SNX9: variants seen among roughly 807,000 people sequenced by gnomAD.
The protein encoded by SNX9 is sorting nexin 9.
Under a neutral mutation model 89.4 loss-of-function variants are expected in SNX9, and 44 were observed. That is an observed-to-expected ratio of 0.49 (90% CI 0.39 to 0.63). The LOEUF (loss-of-function observed/expected upper bound fraction) is 0.63. Among genes scored for constraint, SNX9 ranks in the 30% least tolerant of loss-of-function variants. The probability of loss-of-function intolerance (pLI) is 0.00; values close to 1 mark genes in which losing one functional copy is unlikely to be tolerated. For missense variants in SNX9, 578 were observed against 736.1 expected, an observed-to-expected ratio of 0.79 and a Z score of 2.49; for synonymous variants, 236 against 247.8, an observed-to-expected ratio of 0.95 and a Z score of 0.45.
At chr6:157,892,265 G>C (rs902450814) in intron 4 of SNX9, among the ~76,000 whole-genome samples, 2 of 152,136 alleles carry the variant, frequency 1.3e-5, no homozygotes, top group Non-Finnish European at 2.9e-5. Context: ...AGAGATCGAC[G>C]TATGGGAAGG....
At chr6:157,854,428 G>A (rs1443394980) in intron 1 of SNX9, among the ~76,000 whole-genome samples, 2 of 152,134 alleles carry the variant, frequency 1.3e-5, no homozygotes, top group Non-Finnish European at 2.9e-5. Flanking sequence ...ATAAATAAAA[G>A]TCCTAAATAA....
intron 4 of SNX9, among the ~76,000 whole-genome samples, chr6:157,892,137 A>T (rs970289754): frequency 6.6e-6 from 1 of 152,170 alleles, no homozygotes; most frequent in African/African-American, 2.4e-5. Flanking sequence ...GAAGGAAAGG[A>T]CAGAGAGGCG....
intron 1 of SNX9, among the ~76,000 whole-genome samples, chr6:157,828,821 C>A (rs914296391): frequency 6.6e-6 from 1 of 152,136 alleles, no homozygotes; most frequent in African/African-American, 2.4e-5. Flanking sequence ...CCGGGAAAGC[C>A]TTTCCTGATG....
At position 157,867,574 on chromosome 6, in the gene SNX9, G is replaced by A. The variant is rs1241705090; in HGVS notation, c.40G>A (p.Glu14Lys). Residue 14 changes from glutamate to lysine, a missense_variant, in exon 2 of 18, where the codon GAA becomes AAA. By Grantham distance (56) the Glu-to-Lys change is moderately conservative. Coordinates refer to ENST00000392185, the MANE Select transcript of SNX9 (RefSeq NM_016224.5). Reference protein sequence around the residue: ...KARVMYDFAAEPGNNELTVNE... With the variant: ...KARVMYDFAAKPGNNELTVNE... ...TCGGGTTATGTATGATTTTGCTGCT[G>A]AACCTGGAAATAATGAACTGACGGT... 1.2e-6 allele frequency: 2 copies of A among 1,612,580 alleles called. No homozygotes were observed. Among genetic ancestry groups the A allele is most frequent in the African/African-American group, 2.7e-5 (2 of 74,872 alleles).
intron 1 of SNX9, among the ~76,000 whole-genome samples, chr6:157,864,981 C>T (rs956134089): frequency 4.7e-5 from 7 of 150,120 alleles, no homozygotes; most frequent in Admixed American, 2.0e-4. Flanking sequence ...TGAGCTGAGA[C>T]TTGCCACTGC....
chr6:157,933,508 G>A (rs767437778), intron 13 of SNX9, among the ~76,000 whole-genome samples: 1 of 152,192 alleles, frequency 6.6e-6, no homozygotes, highest in Non-Finnish European at 1.5e-5. Context: ...CATGGCAATA[G>A]TTCTCATTGC....
chr6:157,926,989 T>G (rs1318688512), intron 10 of SNX9, 122 bp from the exon 11 acceptor site: 1 of 674,662 alleles, frequency 1.5e-6, no homozygotes, highest in Non-Finnish European at 2.6e-6. Context: ...GGAGATAGAG[T>G]GGGAGCTGCT....
chr6:157,882,014 A>G (rs1025991960), intron 4 of SNX9, among the ~76,000 whole-genome samples: 4 of 152,222 alleles, frequency 2.6e-5, no homozygotes, highest in East Asian at 1.9e-4. Context: ...TTGGAAGAAG[A>G]TGCCATCTAG....
intron 9 of SNX9, among the ~76,000 whole-genome samples, chr6:157,913,392 G>A (rs1000754027): frequency 5.9e-5 from 9 of 152,082 alleles, no homozygotes; most frequent in Non-Finnish European, 1.3e-4. Flanking sequence ...GCTCACTGCA[G>A]CCTTGACCTC....
At chr6:157,830,234 T>C (rs967411833) in intron 1 of SNX9, 1 of 152,248 alleles carries the variant, frequency 6.6e-6, no homozygotes, top group Non-Finnish European at 1.5e-5. Flanking sequence ...CCATCTAAAA[T>C]GAATTGGAAT....
rs1225843539 is a variant in SNX9, at chr6:157,834,001, G to A, written c.12+10555G>A. Among the ~76,000 whole-genome samples the A allele has an allele frequency of 6.6e-5, 10 of 152,142 alleles. No homozygotes were observed. The East Asian group carries it at 1.9e-3, about 29-fold the overall frequency. ...CTCTCCACGCTGGGGGCTACGTCAG[G>A]TTTTGTACTTAGAGGTAATGAGGCG... On this transcript the variant is annotated intron_variant, in intron 1 of 17. Transcript: ENST00000392185.
chr6:157,889,190 G>T (rs1782802503), intron 4 of SNX9, among the ~76,000 whole-genome samples: 2 of 152,114 alleles, frequency 1.3e-5, no homozygotes, highest in Admixed American at 1.3e-4. Context: ...CAGCACTTTG[G>T]GAGGCGGAGG....
chr6:157,883,683 A>T (rs984347001), intron 4 of SNX9, among the ~76,000 whole-genome samples: 1 of 152,104 alleles, frequency 6.6e-6, no homozygotes, highest in African/African-American at 2.4e-5. Context: ...ATGCTGTCTC[A>T]CCTTTTATTT....
intron 4 of SNX9, among the ~76,000 whole-genome samples, chr6:157,889,300 G>A (rs2115155706): frequency 6.6e-6 from 1 of 151,930 alleles, no homozygotes; most frequent in South Asian, 2.1e-4. Context: ...GTGTGGTGGT[G>A]CACCCCTGTA....
intron 4 of SNX9, among the ~76,000 whole-genome samples, chr6:157,876,156 ATC>A (rs559695898): frequency 2.6e-5 from 4 of 151,980 alleles, no homozygotes; most frequent in Non-Finnish European, 5.9e-5. Flanking sequence ...CTTATAAAAT[ATC>A]TGTTTATTAG....
intron 12 of SNX9, 119 bp from the exon 13 acceptor site, chr6:157,932,076 A>G: frequency 1.3e-6 from 1 of 758,004 alleles, no homozygotes; most frequent in Non-Finnish European, 2.2e-6. Context: ...TATTTTGTGA[A>G]GGAATATATA....
At chr6:157,846,366 G>C (rs960473164) in intron 1 of SNX9, among the ~76,000 whole-genome samples, 3 of 152,238 alleles carry the variant, frequency 2.0e-5, no homozygotes. Flanking sequence ...TTAGCTCTGT[G>C]AATCTAGAAA....
chr6:157,940,810 T>A, intron 16 of SNX9, 73 bp from the exon 17 acceptor site: 1 of 1,329,856 alleles, frequency 7.5e-7, no homozygotes, highest in Non-Finnish European at 1.1e-6. Flanking sequence ...TAATTGTAAC[T>A]GAGCAGAGAA....
At chr6:157,906,271 T>C in intron 7 of SNX9, 59 bp downstream of exon 7, 7 of 1,342,462 alleles carry the variant, frequency 5.2e-6, no homozygotes, top group East Asian at 2.4e-5. Flanking sequence ...TATACCGTAC[T>C]TTAAAGCTAA....
Sources: allele counts gnomAD v4.1 joint callset (sites outside exome capture counted in the v4.1 genomes callset), GRCh38; gene constraint gnomAD v4.1.1; transcripts MANE v1.5; gene names NCBI Gene and HGNC (gene_info 2026-07-23, HGNC 2026-07-21).